AGBL1: variants seen among roughly 807,000 people sequenced by gnomAD.
AGBL1 encodes the protein AGBL carboxypeptidase 1, also known as cytosolic carboxypeptidase 4.
Under a neutral mutation model 118.9 loss-of-function variants are expected in AGBL1, and 130 were observed. The ratio of observed to expected loss-of-function variants is 1.09; its 90% CI spans 0.95 to 1.26. The LOEUF is 1.26. Ranked by LOEUF, AGBL1 falls within the 50% of genes most tolerant of loss-of-function variation. The pLI is 0.00. For synonymous variants in AGBL1, 555 were observed against 478.9 expected (o/e 1.16, Z -2.08); for missense variants, 1,584 against 1,298.1 (o/e 1.22, Z -3.38).
At chr15:86,198,559 A>T (rs1468295067) in intron 5 of AGBL1, among the ~76,000 whole-genome samples, 1 of 152,138 alleles carries the variant, frequency 6.6e-6, no homozygotes, top group Non-Finnish European at 1.5e-5. Context: ...AATGTGATTG[A>T]ATTTGGAGAC....
At chr15:86,932,582 C>T (rs993875096) in intron 23 of AGBL1, among the ~76,000 whole-genome samples, 17 of 152,218 alleles carry the variant, frequency 1.1e-4, no homozygotes, top group African/African-American at 3.9e-4. Context: ...AATCACCAGT[C>T]TTCAGAGACA....
chr15:86,942,535 C>A (rs1369982859), intron 23 of AGBL1, among the ~76,000 whole-genome samples: 2 of 152,174 alleles, frequency 1.3e-5, no homozygotes, highest in African/African-American at 4.8e-5. Context: ...AACCAGCAAC[C>A]ACACCTAGAC....
intron 5 of AGBL1, among the ~76,000 whole-genome samples, chr15:86,197,772 G>A (rs570572992): frequency 1.1e-4 from 16 of 152,236 alleles, no homozygotes; most frequent in Admixed American, 3.3e-4. Flanking sequence ...GATTATATGG[G>A]CAGAAAACAG....
At chr15:86,368,643 G>T (rs2080926801) in intron 17 of AGBL1, among the ~76,000 whole-genome samples, 1 of 152,170 alleles carries the variant, frequency 6.6e-6, no homozygotes, top group Non-Finnish European at 1.5e-5. Context: ...TCTGCTCAGA[G>T]GCAGCACAAG....
At chr15:86,464,158 C>A (rs900384454) in intron 18 of AGBL1, among the ~76,000 whole-genome samples, 2 of 151,952 alleles carry the variant, frequency 1.3e-5, no homozygotes, top group Admixed American at 6.6e-5. Context: ...TCTTCGTGTC[C>A]CTTGTAAGTT....
chr15:86,749,555 G>A (rs1230534367), intron 22 of AGBL1, among the ~76,000 whole-genome samples: 3 of 152,146 alleles, frequency 2.0e-5, no homozygotes, highest in Non-Finnish European at 4.4e-5. Context: ...ATGTTGAATA[G>A]GAGTGGTGAG....
At chr15:86,835,263 T>C (rs1268510447) in intron 22 of AGBL1, among the ~76,000 whole-genome samples, 1 of 151,794 alleles carries the variant, frequency 6.6e-6, no homozygotes, top group Non-Finnish European at 1.5e-5. Flanking sequence ...TAGATCAGCC[T>C]GGCTTAAAAT....
chr15:86,943,731 C>T (rs2080782879), intron 23 of AGBL1, among the ~76,000 whole-genome samples: 1 of 152,194 alleles, frequency 6.6e-6, no homozygotes, highest in African/African-American at 2.4e-5. Context: ...TTTCTATTGG[C>T]ACAGCTGCTG....
At chr15:86,367,086 G>A (rs1456508270) in intron 17 of AGBL1, among the ~76,000 whole-genome samples, 3 of 152,154 alleles carry the variant, frequency 2.0e-5, no homozygotes, top group Non-Finnish European at 4.4e-5. Context: ...ATGGAAGCCT[G>A]ACCATTAGTT....
chr15:86,126,428 C>A (rs1466686208), intron 1 of AGBL1, among the ~76,000 whole-genome samples: 1 of 152,176 alleles, frequency 6.6e-6, no homozygotes, highest in Non-Finnish European at 1.5e-5. Flanking sequence ...AGGGTGACAT[C>A]TGTGGGTCTT....
intron 22 of AGBL1, among the ~76,000 whole-genome samples, chr15:86,703,751 G>A (rs1399667116): frequency 6.6e-6 from 1 of 152,122 alleles, no homozygotes; most frequent in East Asian, 1.9e-4. Context: ...CCTGCTGCCA[G>A]GTAAGATGAT....
intron 1 of AGBL1, among the ~76,000 whole-genome samples, chr15:86,102,045 T>C (rs1254419194): frequency 6.6e-6 from 1 of 151,986 alleles, no homozygotes; most frequent in African/African-American, 2.4e-5. Context: ...TCTCTCTTTT[T>C]TTTTTTTTTA....
chr15:86,376,759 G>T (rs1179669247), intron 17 of AGBL1, among the ~76,000 whole-genome samples: 8 of 152,208 alleles, frequency 5.3e-5, no homozygotes, highest in African/African-American at 1.7e-4. Context: ...AAGTCACATT[G>T]TTAGACAGTC....
At chr15:86,471,738 A>G (rs9920671) in intron 18 of AGBL1, among the ~76,000 whole-genome samples, 76,852 of 151,866 alleles carry the variant, frequency 0.51, 19,994 homozygotes, top group Middle Eastern at 0.6. Flanking sequence ...ATGTGCACTA[A>G]TGTGAAAAAT....
intron 5 of AGBL1, among the ~76,000 whole-genome samples, chr15:86,211,644 G>A (rs2078100365): frequency 6.6e-6 from 1 of 152,214 alleles, no homozygotes; most frequent in Non-Finnish European, 1.5e-5. Context: ...GACTTGCCGA[G>A]CCAGGCATGG....
At chr15:86,346,052 G>A (rs2080531897) in intron 17 of AGBL1, among the ~76,000 whole-genome samples, 3 of 151,442 alleles carry the variant, frequency 2.0e-5, no homozygotes, top group Middle Eastern at 3.4e-3. Flanking sequence ...GCGTGATCTC[G>A]GCTCACTGCA....
At chr15:86,279,893 T>C (rs1419063124) in intron 16 of AGBL1, 110 bp downstream of exon 16, 1 of 1,384,398 alleles carries the variant, frequency 7.2e-7, no homozygotes, top group African/African-American at 1.4e-5. Context: ...GAGGGGAATG[T>C]AGGGGAACTA....
intron 18 of AGBL1, among the ~76,000 whole-genome samples, chr15:86,511,396 T>C (rs185369217): frequency 6.6e-6 from 1 of 152,018 alleles, no homozygotes; most frequent in African/African-American, 2.4e-5. Context: ...GCAGACACCT[T>C]TCATTTCTGT....
intron 18 of AGBL1, among the ~76,000 whole-genome samples, chr15:86,445,456 T>G (rs923660382): frequency 4.6e-5 from 7 of 152,234 alleles, no homozygotes; most frequent in African/African-American, 1.7e-4. Flanking sequence ...TGGTCAACTC[T>G]CTTCCCTATG....
Sources: gnomAD v4.1 joint callset for allele counts (sites outside exome capture counted in the v4.1 genomes callset) on GRCh38, gnomAD v4.1.1 for gene constraint, MANE v1.5 for transcripts, NCBI Gene and HGNC (gene_info 2026-07-23, HGNC 2026-07-21) for gene names.